The following SLC44A1 variants were observed in gnomAD, a reference collection of about 807,000 sequenced individuals.
SLC44A1 encodes the protein choline transporter-like protein 1.
In SLC44A1, 26 loss-of-function variants were observed where a neutral mutation model predicts 79.3. The observed-to-expected ratio is 0.33, with a 90% CI of 0.24 to 0.46. The LOEUF (loss-of-function observed/expected upper bound fraction) is 0.46, where lower values mean the gene tolerates loss of function less well. Among genes scored for constraint, SLC44A1 ranks in the 20% least tolerant of loss-of-function variants. The pLI, the probability that SLC44A1 is intolerant of heterozygous loss-of-function variation, is 1.00. For synonymous variants in SLC44A1, 263 were observed against 286.2 expected (o/e 0.92, Z 0.82); for missense variants, 688 against 798.1 (o/e 0.86, Z 1.66).
chr9:105,408,402 TTTGTTG>T (rs71364094), intron 15 of SLC44A1, among the ~76,000 whole-genome samples: 2 of 151,856 alleles, frequency 1.3e-5, no homozygotes, highest in African/African-American at 4.8e-5. Flanking sequence ...TTGTCACTCA[TTTGTTG>T]TTGTTGTTGT....
chr9:105,355,951 G>T (rs965744049), intron 5 of SLC44A1: 10 of 450,670 alleles, frequency 2.2e-5, no homozygotes, highest in African/African-American at 4.0e-5. Context: ...GTGTGTGTGC[G>T]TTTCTTTTCA....
At chr9:105,321,395 G>A (rs1826389150) in intron 3 of SLC44A1, among the ~76,000 whole-genome samples, 1 of 152,188 alleles carries the variant, frequency 6.6e-6, no homozygotes, top group African/African-American at 2.4e-5. Context: ...TGGCATGAAA[G>A]GAGGCTGATG....
chr9:105,319,142 A>C (rs1262103304), intron 3 of SLC44A1, among the ~76,000 whole-genome samples: 1 of 152,042 alleles, frequency 6.6e-6, no homozygotes, highest in Non-Finnish European at 1.5e-5. Flanking sequence ...GGCATCTAAG[A>C]AGTTAGAGGG....
intron 4 of SLC44A1, among the ~76,000 whole-genome samples, chr9:105,336,749 T>C (rs1195613256): frequency 6.6e-6 from 1 of 152,192 alleles, no homozygotes; most frequent in African/African-American, 2.4e-5. Context: ...GCTAGCCTTC[T>C]GAAGGCAGGA....
intron 15 of SLC44A1, among the ~76,000 whole-genome samples, chr9:105,433,323 C>G (rs2131527381): frequency 6.6e-6 from 1 of 151,332 alleles, no homozygotes; most frequent in Non-Finnish European, 1.5e-5. Flanking sequence ...AAACAAAAAA[C>G]TTTCGCAAAT....
At chr9:105,426,936 CTTTT>C (rs10715005) in intron 15 of SLC44A1, among the ~76,000 whole-genome samples, 1 of 144,464 alleles carries the variant, frequency 6.9e-6, no homozygotes, top group Middle Eastern at 3.3e-3. Flanking sequence ...TTTCCTTTTC[CTTTT>C]TTTTTTTTTC....
intron 3 of SLC44A1, among the ~76,000 whole-genome samples, chr9:105,315,035 A>G (rs945764479): frequency 1.3e-5 from 2 of 152,140 alleles, no homozygotes; most frequent in Non-Finnish European, 2.9e-5. Flanking sequence ...GCTGTATGGT[A>G]ATTCCAGTTT....
At chr9:105,261,330 A>G (rs1038715948) in intron 1 of SLC44A1, among the ~76,000 whole-genome samples, 1 of 152,018 alleles carries the variant, frequency 6.6e-6, no homozygotes, top group African/African-American at 2.4e-5. Flanking sequence ...GCCTTCCCCC[A>G]TTTCCCTGCA....
rs139066523 is a variant in SLC44A1, at chr9:105,331,515, CTAATG to C, written c.270-4044_270-4040del. Among the ~76,000 whole-genome samples, 358 of 152,254 alleles carry C rather than the reference CTAATG, an allele frequency of 2.4e-3. 7 individuals are homozygous for C. The East Asian group carries it at 0.058, about 25-fold the overall frequency. On this transcript the variant is annotated intron_variant, in intron 3 of 15. Transcript: ENST00000374720. ...TTTGTTTAAAGTGAAAACTGAAAAACTAATGTAAGCATTTATTTACCTGGTTAAGG... is the reference window on the plus strand; with the variant it reads ...TTTGTTTAAAGTGAAAACTGAAAAACTAAGCATTTATTTACCTGGTTAAGG...
intron 4 of SLC44A1, among the ~76,000 whole-genome samples, chr9:105,337,334 A>G (rs1353213734): frequency 1.3e-5 from 2 of 152,190 alleles, no homozygotes; most frequent in East Asian, 3.8e-4. Context: ...TTCCACATCT[A>G]TGAAATAGGG....
downstream of SLC44A1, among the ~76,000 whole-genome samples, chr9:105,400,975 C>T (rs964381026): frequency 2.6e-5 from 4 of 152,198 alleles, no homozygotes; most frequent in African/African-American, 9.7e-5. Context: ...GAAATATACA[C>T]ACCTGACCCT....
At position 105,315,807 on chromosome 9, in the gene SLC44A1, C is replaced by T. The variant is rs544515758; in HGVS notation, c.269+5941C>T. 5.9e-5 allele frequency among the ~76,000 whole-genome samples: 9 copies of T among 152,290 alleles called. No individual in the cohort carries two copies. In the East Asian group the frequency reaches 1.7e-3, roughly 29 times the overall value. ...TTTGCATGGAAGATCCTCTTATCAG[C>T]TAAGCACTTGTACAGTGTTTCATTA... is the stretch of plus-strand genomic sequence containing the variant. On this transcript the variant is annotated intron_variant, in intron 3 of 15. Transcript: ENST00000374720.
Position 105,389,597 on chromosome 9 carries a change from A to T in SLC44A1, c.*541A>T, listed in dbSNP as rs887838665. 1.5e-5 allele frequency: 17 copies of T among 1,151,322 alleles called. No homozygotes were observed. The South Asian group carries it at 6.5e-4, about 44-fold the overall frequency. The allele number at this position is 1,151,322 out of a possible 1,614,324, so 71.3% of individuals were successfully genotyped here. A position where few individuals can be genotyped will look rare whatever the true frequency, so the allele number is the denominator to read the frequency against. On this transcript the variant is annotated 3_prime_UTR_variant, in exon 16 of 16. Coordinates refer to ENST00000374720, the MANE Select transcript of SLC44A1 (RefSeq NM_080546.5). ...CCAATCAAAGAAGCCATGTCATTTT[A>T]CTTTTAGAAACATACAATTGGGCCC...
At chr9:105,251,240 C>T (rs1214561425) in intron 1 of SLC44A1, among the ~76,000 whole-genome samples, 3 of 152,196 alleles carry the variant, frequency 2.0e-5, no homozygotes, top group African/African-American at 4.8e-5. Context: ...TCTGGTTCAC[C>T]GAATGATACC....
At chr9:105,312,695 T>A (rs1023582334) in intron 3 of SLC44A1, among the ~76,000 whole-genome samples, 3 of 152,244 alleles carry the variant, frequency 2.0e-5, no homozygotes, top group African/African-American at 7.2e-5. Context: ...TAGTTTTTAT[T>A]ATTTACTAAT....
At chr9:105,288,884 C>A (rs993273758) in intron 1 of SLC44A1, among the ~76,000 whole-genome samples, 1 of 152,138 alleles carries the variant, frequency 6.6e-6, no homozygotes, top group African/African-American at 2.4e-5. Context: ...GGGTGTATGA[C>A]CAAATATGTT....
At chr9:105,367,562 A>G (rs1789283231) in intron 12 of SLC44A1, among the ~76,000 whole-genome samples, 1 of 152,198 alleles carries the variant, frequency 6.6e-6, no homozygotes, top group Non-Finnish European at 1.5e-5. Flanking sequence ...AAAGATGATC[A>G]TAATTGCATT....
At chr9:105,344,824 T>C (rs929775857) in intron 4 of SLC44A1, among the ~76,000 whole-genome samples, 4 of 152,160 alleles carry the variant, frequency 2.6e-5, no homozygotes, top group Non-Finnish European at 5.9e-5. Flanking sequence ...TGTTTTATCA[T>C]AGAGCTAAGT....
At chr9:105,316,444 A>G (rs921494968) in intron 3 of SLC44A1, among the ~76,000 whole-genome samples, 3 of 152,248 alleles carry the variant, frequency 2.0e-5, no homozygotes, top group African/African-American at 7.2e-5. Context: ...GTAAAAATAT[A>G]CATGTACATA....
Sources: gnomAD v4.1 joint callset for allele counts (sites outside exome capture counted in the v4.1 genomes callset) on GRCh38, gnomAD v4.1.1 for gene constraint, MANE v1.5 for transcripts, NCBI Gene and HGNC (gene_info 2026-07-23, HGNC 2026-07-21) for gene names.